LIN52: variants seen among roughly 807,000 people sequenced by gnomAD.
LIN52 encodes lin-52 DREAM MuvB core complex component.
A neutral mutation model predicts 18.5 loss-of-function variants in LIN52; 4 were observed. That is an observed-to-expected ratio of 0.22 (90% CI 0.11 to 0.49). LIN52 has a LOEUF of 0.49. Among genes scored for constraint, LIN52 ranks in the 20% least tolerant of loss-of-function variants. LIN52 has a pLI of 0.97. For missense variants in LIN52, 102 were observed against 139.5 expected (o/e 0.73, Z 1.35); for synonymous variants, 34 against 45.5 (o/e 0.75, Z 1.02).
intron 5 of LIN52, among the ~76,000 whole-genome samples, chr14:74,145,397 T>TA (rs1165284242): frequency 6.6e-6 from 1 of 152,206 alleles, no homozygotes; most frequent in Non-Finnish European, 1.5e-5. Flanking sequence ...AAAATAATCT[T>TA]AAAGTTATAC....
At chr14:74,094,084 T>A (rs1422062976) in intron 2 of LIN52, among the ~76,000 whole-genome samples, 1 of 152,124 alleles carries the variant, frequency 6.6e-6, no homozygotes. Flanking sequence ...TTTTTCTTCA[T>A]AATGTTGGAG....
At chr14:74,157,234 T>A (rs2061203086) in intron 5 of LIN52, among the ~76,000 whole-genome samples, 1 of 151,626 alleles carries the variant, frequency 6.6e-6, no homozygotes, top group Admixed American at 6.6e-5. Context: ...GGTTTCTCCA[T>A]GTTGGCCAGG....
At chr14:74,101,664 T>G (rs1184873709) in intron 5 of LIN52, among the ~76,000 whole-genome samples, 1 of 151,644 alleles carries the variant, frequency 6.6e-6, no homozygotes, top group Non-Finnish European at 1.5e-5. Context: ...GTTTCACCGT[T>G]TTAGCCGGGA....
rs573027875 is a variant in LIN52 at position 74,186,772 on chromosome 14, C to T, written c.284-12150C>T. 1.1e-4 allele frequency among the ~76,000 whole-genome samples: 16 copies of T among 151,676 alleles called. No homozygotes were observed. The East Asian group carries it at 1.4e-3, about 13-fold the overall frequency. Reference sequence around the variant, plus strand: ...TAGCACTTTGGGAGGCCGAGGCAGGCGGATCACAAGGTCAGGAGATTTTTG... The same window carrying T: ...TAGCACTTTGGGAGGCCGAGGCAGGTGGATCACAAGGTCAGGAGATTTTTG... On this transcript the variant is annotated intron_variant, in intron 5 of 5. Transcript: ENST00000555028.
chr14:74,105,011 T>G (rs1166653023), intron 5 of LIN52, among the ~76,000 whole-genome samples: 1 of 152,200 alleles, frequency 6.6e-6, no homozygotes, highest in Admixed American at 6.5e-5. Flanking sequence ...AAGGACTGTA[T>G]CTTATCAACT....
chr14:74,097,798 T>C lies in LIN52; in HGVS notation c.137T>C (p.Ile46Thr). 1 of 1,607,708 alleles carries C rather than the reference T, an allele frequency of 6.2e-7. No homozygotes were observed. Among genetic ancestry groups the C allele is most frequent in the South Asian group, 1.1e-5 (1 of 90,916 alleles). Residue 46 changes from isoleucine (I) to threonine (T), a missense_variant, in exon 4 of 6, where the codon ATT (isoleucine) becomes ACT (threonine). Coordinates refer to ENST00000555028, the MANE Select transcript of LIN52 (RefSeq NM_001024674.3). ...AEFAASFKSP[I>T]TSSPPKWMAE... ...GGATATATTATTTTTTGACAGCCTA[T>C]TACTAGTTCTCCACCCAAATGGATG...
chr14:74,186,448 T>C (rs1386805541), intron 5 of LIN52, among the ~76,000 whole-genome samples: 2 of 151,880 alleles, frequency 1.3e-5, no homozygotes, highest in African/African-American at 4.8e-5. Flanking sequence ...TCTGCAGAAC[T>C]TCATGGAGCA....
At chr14:74,093,909 G>A (rs1381125012) in intron 2 of LIN52, among the ~76,000 whole-genome samples, 1 of 151,714 alleles carries the variant, frequency 6.6e-6, no homozygotes, top group Non-Finnish European at 1.5e-5. Context: ...AGAGGTTGCA[G>A]TGAGCAGAGA....
intron 5 of LIN52, among the ~76,000 whole-genome samples, chr14:74,170,475 G>A (rs6574169): frequency 0.93 from 141,697 of 151,986 alleles, 66,241 homozygotes; most frequent in African/African-American, 0.98. Context: ...GCCAGAACTC[G>A]TAGTGCCACA....
At chr14:74,097,959 T>C (rs1333726163) in intron 4 of LIN52, 99 bp downstream of exon 4, 6 of 839,332 alleles carry the variant, frequency 7.1e-6, no homozygotes, top group Non-Finnish European at 1.2e-5. Context: ...TATTTTTGGC[T>C]TCAGACTTCT....
chr14:74,130,087 G>A (rs1027392586), intron 5 of LIN52, among the ~76,000 whole-genome samples: 1 of 151,856 alleles, frequency 6.6e-6, no homozygotes, highest in Non-Finnish European at 1.5e-5. Flanking sequence ...AACAGTATGG[G>A]AGAAACTGCC....
At position 74,102,705 on chromosome 14, in the gene LIN52, A is replaced by G. The variant is rs192124153; in HGVS notation, c.283+1467A>G. On this transcript the variant is annotated intron_variant, in intron 5 of 5. Transcript: ENST00000555028. ...ATCAAGGCTTTATCTCTTTGTGTCA[A>G]TGTTTTTCAATGAAGTAAATGTTAT... Among the ~76,000 whole-genome samples the G allele has an allele frequency of 1.6e-3, 243 of 152,324 alleles. 1 individual carries two copies. Among genetic ancestry groups the G allele is most frequent in the African/African-American group, 4.7e-3 (196 of 41,580 alleles).
chr14:74,128,811 G>A (rs547397336), intron 5 of LIN52, among the ~76,000 whole-genome samples: 1 of 152,166 alleles, frequency 6.6e-6, no homozygotes, highest in East Asian at 1.9e-4. Context: ...TGCTGTGGTG[G>A]TGCACGCCTG....
chr14:74,117,608 C>T (rs2060972964), intron 5 of LIN52, among the ~76,000 whole-genome samples: 1 of 152,012 alleles, frequency 6.6e-6, no homozygotes, highest in Admixed American at 6.6e-5. Flanking sequence ...TGTTTCTGCC[C>T]ATGGGGAAAT....
intron 5 of LIN52, among the ~76,000 whole-genome samples, chr14:74,114,940 C>T (rs943310207): frequency 6.6e-6 from 1 of 152,100 alleles, no homozygotes; most frequent in Admixed American, 6.6e-5. Context: ...TCTTTCGGTT[C>T]CCTACCTATG....
At chr14:74,086,896 T>C (rs1282753991) in intron 1 of LIN52, among the ~76,000 whole-genome samples, 1 of 152,124 alleles carries the variant, frequency 6.6e-6, no homozygotes, top group Non-Finnish European at 1.5e-5. Context: ...CACTGAAATG[T>C]ATACTTAAAA....
At chr14:74,184,359 AC>A (rs2139588719) in intron 5 of LIN52, among the ~76,000 whole-genome samples, 1 of 152,324 alleles carries the variant, frequency 6.6e-6, no homozygotes, top group Admixed American at 6.5e-5. Flanking sequence ...GAGCCACCAC[AC>A]CCGGCCCCCA....
At chr14:74,096,598 G>T (rs2060815167) in intron 3 of LIN52, among the ~76,000 whole-genome samples, 1 of 151,732 alleles carries the variant, frequency 6.6e-6, no homozygotes, top group Non-Finnish European at 1.5e-5. Context: ...CACATAATAG[G>T]TTCTGAGTAC....
chr14:74,147,913 C>T (rs2061159332), intron 5 of LIN52, among the ~76,000 whole-genome samples: 1 of 152,112 alleles, frequency 6.6e-6, no homozygotes, highest in Non-Finnish European at 1.5e-5. Flanking sequence ...ACACTTAATG[C>T]CACACTAAAC....
Sources: allele counts gnomAD v4.1 joint callset (sites outside exome capture counted in the v4.1 genomes callset), GRCh38; gene constraint gnomAD v4.1.1; transcripts MANE v1.5; gene names NCBI Gene and HGNC (gene_info 2026-07-23, HGNC 2026-07-21).